ACVR1: variants seen among roughly 807,000 people sequenced by gnomAD.
ACVR1 encodes activin receptor type-1.
ACVR1 carries 38 observed loss-of-function variants against 57.1 expected under a neutral mutation model. The ratio of observed to expected loss-of-function variants is 0.67; its 90% confidence interval spans 0.51 to 0.87. ACVR1 has a LOEUF of 0.87. Ranked by LOEUF, ACVR1 falls within the 40% of genes least tolerant of loss-of-function variation. The probability of loss-of-function intolerance (pLI) is 0.00; values close to 1 mark genes in which losing one functional copy is unlikely to be tolerated. For synonymous variants in ACVR1, 212 were observed against 228.1 expected (o/e 0.93, Z 0.63); for missense variants, 463 against 638.2 (o/e 0.73, Z 2.96).
At chr2:157,782,578 G>C (rs1360617833) in intron 3 of ACVR1, among the ~76,000 whole-genome samples, 3 of 152,214 alleles carry the variant, frequency 2.0e-5, no homozygotes, top group African/African-American at 7.2e-5. Context: ...TGCCAAAAGA[G>C]AGCTGAAGGA....
At chr2:157,743,956 T>C (rs1237981488) in intron 9 of ACVR1, among the ~76,000 whole-genome samples, 2 of 152,136 alleles carry the variant, frequency 1.3e-5, no homozygotes, top group Non-Finnish European at 2.9e-5. Context: ...TCAAAAGAAA[T>C]TGAGGGTCAC....
chr2:157,788,016 A>C (rs1379561944), intron 3 of ACVR1, among the ~76,000 whole-genome samples: 1 of 152,196 alleles, frequency 6.6e-6, no homozygotes, highest in Non-Finnish European at 1.5e-5. Context: ...TTCAAACTAC[A>C]GAGACAAACC....
intron 1 of ACVR1, among the ~76,000 whole-genome samples, chr2:157,867,130 ATTTTC>A (rs917566783): frequency 6.6e-6 from 1 of 151,980 alleles, no homozygotes; most frequent in Admixed American, 6.6e-5. Context: ...GCAACCTTCC[ATTTTC>A]TTTTAAGAGC....
intron 1 of ACVR1, among the ~76,000 whole-genome samples, chr2:157,868,825 T>C (rs1690025755): frequency 6.6e-6 from 1 of 152,142 alleles, no homozygotes; most frequent in Non-Finnish European, 1.5e-5. Context: ...TGCCCAACCT[T>C]ACCTAGAGGA....
At chr2:157,808,571 G>C (rs749651225) in intron 2 of ACVR1, among the ~76,000 whole-genome samples, 1 of 152,170 alleles carries the variant, frequency 6.6e-6, no homozygotes, top group Non-Finnish European at 1.5e-5. Flanking sequence ...CAACTCCCTG[G>C]TGGACAATAT....
At chr2:157,822,217 C>A (rs1406095321) in intron 1 of ACVR1, among the ~76,000 whole-genome samples, 1 of 152,200 alleles carries the variant, frequency 6.6e-6, no homozygotes, top group Non-Finnish European at 1.5e-5. Context: ...ACTTAGGAAG[C>A]AGCCAAACTC....
At chr2:157,849,786 T>C (rs1257961322) in intron 1 of ACVR1, among the ~76,000 whole-genome samples, 2 of 152,206 alleles carry the variant, frequency 1.3e-5, no homozygotes, top group East Asian at 1.9e-4. Context: ...TGTAACTAGT[T>C]AAATTGTGGC....
rs535627701 is a variant in ACVR1 at position 157,744,646 on chromosome 2, C to A, written c.1265-6076G>T. ...GGCAGTATGAATGAATTGGGAAACA[C>A]TGAGTTCACAGAAAGGCATCATTCT... is the stretch of plus-strand genomic sequence containing the variant. On this transcript the variant is annotated intron_variant, in intron 9 of 10. Coordinates refer to ENST00000434821, the MANE Select transcript of ACVR1 (RefSeq NM_001111067.4). Among the ~76,000 whole-genome samples the A allele has an allele frequency of 6.6e-5, 10 of 152,320 alleles. No individual in the cohort carries two copies. In the South Asian group the frequency reaches 1.9e-3, roughly 28 times the overall value.
chr2:157,868,477 T>A (rs1331029603), intron 1 of ACVR1, among the ~76,000 whole-genome samples: 1 of 67,350 alleles, frequency 1.5e-5, no homozygotes. Context: ...AGTGCGAGAC[T>A]CCATCTCAAA....
At chr2:157,833,949 T>C (rs887784668) in intron 1 of ACVR1, among the ~76,000 whole-genome samples, 2 of 152,204 alleles carry the variant, frequency 1.3e-5, no homozygotes, top group African/African-American at 2.4e-5. Flanking sequence ...CAACACATAC[T>C]AGCATGAATT....
intron 2 of ACVR1, among the ~76,000 whole-genome samples, chr2:157,815,119 G>A (rs1334573484): frequency 3.9e-5 from 6 of 151,968 alleles, no homozygotes; most frequent in African/African-American, 1.2e-4. Context: ...AGAATGCAGC[G>A]CTACTATGGA....
rs142086976 is a variant in ACVR1, at chr2:157,840,401, G to A, written c.-182-21842C>T. The stretch of plus-strand genomic sequence containing the variant: ...AGCATCCAGGAATCAACATAAATAC[G>A]CATATCATACATTGCTATGAAAGCA... On this transcript the variant is annotated intron_variant, in intron 1 of 10. Transcript: ENST00000434821. Among the ~76,000 whole-genome samples, 219 of 152,254 alleles carry A rather than the reference G, an allele frequency of 1.4e-3. 2 individuals carry two copies. Among genetic ancestry groups the A allele is most frequent in the African/African-American group, 5.0e-3 (209 of 41,548 alleles).
chr2:157,806,170 A>G (rs2105314417), intron 2 of ACVR1, among the ~76,000 whole-genome samples: 1 of 152,098 alleles, frequency 6.6e-6, no homozygotes, highest in East Asian at 1.9e-4. Flanking sequence ...CTGAACTTCA[A>G]CTGAAAATCT....
chr2:157,826,126 G>A (rs180708179), intron 1 of ACVR1, among the ~76,000 whole-genome samples: 3 of 152,220 alleles, frequency 2.0e-5, no homozygotes, highest in East Asian at 1.9e-4. Flanking sequence ...ACAAGAGTTC[G>A]CAAGACTGCC....
At chr2:157,766,248 TTAAAG>T in intron 7 of ACVR1, 52 bp from the exon 8 acceptor site, 3 of 1,579,396 alleles carry the variant, frequency 1.9e-6, no homozygotes, top group Non-Finnish European at 2.6e-6. Context: ...ACATTATAAC[TTAAAG>T]TATTTAGAAA....
At chr2:157,774,758 C>G (rs1686213637) in intron 5 of ACVR1, among the ~76,000 whole-genome samples, 1 of 152,154 alleles carries the variant, frequency 6.6e-6, no homozygotes, top group Non-Finnish European at 1.5e-5. Flanking sequence ...TTCTTATACA[C>G]AGAGTTTCCA....
At chr2:157,765,494 C>G (rs557471172) in intron 8 of ACVR1, among the ~76,000 whole-genome samples, 1 of 152,048 alleles carries the variant, frequency 6.6e-6, no homozygotes, top group Non-Finnish European at 1.5e-5. Context: ...TGTATCTCGA[C>G]AGGGATTTGG....
At chr2:157,784,459 T>G (rs80346500) in intron 3 of ACVR1, among the ~76,000 whole-genome samples, 2,376 of 152,346 alleles carry the variant, frequency 0.016, 78 homozygotes, top group African/African-American at 0.055. Flanking sequence ...TAATTGACAT[T>G]CATTTGAATA....
intron 1 of ACVR1, among the ~76,000 whole-genome samples, chr2:157,872,646 C>T (rs1450006965): frequency 3.3e-5 from 5 of 152,200 alleles, no homozygotes; most frequent in Admixed American, 2.0e-4. Flanking sequence ...GGGGTCTTAT[C>T]GATCAGCCAG....
Sources: gnomAD v4.1 joint callset for allele counts (sites outside exome capture counted in the v4.1 genomes callset) on GRCh38, gnomAD v4.1.1 for gene constraint, MANE v1.5 for transcripts, NCBI Gene and HGNC (gene_info 2026-07-23, HGNC 2026-07-21) for gene names.